Variants in CTNNA2 observed in about 807,000 individuals in gnomAD.
CTNNA2 encodes the protein catenin alpha 2, also known as catenin alpha-2.
Under a neutral mutation model 101.0 loss-of-function variants are expected in CTNNA2, and 42 were observed. That is an observed-to-expected ratio of 0.42 (90% CI 0.32 to 0.54). CTNNA2 has a LOEUF of 0.54. CTNNA2 is among the 20% of genes least tolerant of loss of function. The pLI, the probability that CTNNA2 is intolerant of heterozygous loss-of-function variation, is 0.14. For synonymous variants in CTNNA2, 450 were observed against 456.4 expected (o/e 0.99, Z 0.18); for missense variants, 871 against 1,223.1 (o/e 0.71, Z 4.29).
chr2:79,445,625 G>C (rs1678824316), intron 4 of CTNNA2, among the ~76,000 whole-genome samples: 1 of 152,088 alleles, frequency 6.6e-6, no homozygotes, highest in African/African-American at 2.4e-5. Context: ...GTTGATTAGT[G>C]GTTCTAAGCT....
rs112449245 is a variant in CTNNA2, at chr2:79,323,609, T to A, written c.-318+10813T>A. Among the ~76,000 whole-genome samples, 5 of 152,220 alleles carry A rather than the reference T, an allele frequency of 3.3e-5. No homozygotes were observed. The South Asian group carries it at 6.2e-4, about 19-fold the overall frequency. Reference sequence around the variant, plus strand: ...TTTTTCTGGCATGTTACCTTCTTCATGTTGCCACAAGTTTCAAGGGAGACT... The same window carrying A: ...TTTTTCTGGCATGTTACCTTCTTCAAGTTGCCACAAGTTTCAAGGGAGACT... On this transcript the variant is annotated intron_variant, in intron 3 of 21. Coordinates refer to the CTNNA2 transcript ENST00000466387.
At chr2:79,385,806 A>G (rs1404100677) in intron 4 of CTNNA2, among the ~76,000 whole-genome samples, 1 of 151,982 alleles carries the variant, frequency 6.6e-6, no homozygotes, top group Non-Finnish European at 1.5e-5. Flanking sequence ...TGCCTGTGTT[A>G]GTTTGCTGAG....
At chr2:80,257,078 T>G (rs757157795) in intron 7 of CTNNA2, among the ~76,000 whole-genome samples, 2 of 152,138 alleles carry the variant, frequency 1.3e-5, no homozygotes, top group Non-Finnish European at 2.9e-5. Context: ...GTCTTTTCAC[T>G]CTGGAAAGTT....
Position 79,544,092 on chromosome 2 carries a change from C to T in CTNNA2, c.-6+30885C>T, listed in dbSNP as rs116406390. ...AGCTGAGACTACAGGCGTGCGCCAC[C>T]ACACTGGGCTAATTTTTGTATTTTT... On this transcript the variant is annotated intron_variant, in intron 1 of 18. Transcript: ENST00000402739. Among the ~76,000 whole-genome samples the T allele has an allele frequency of 8.0e-3, 1,222 of 152,260 alleles. 5 individuals are homozygous for T. The highest frequency in any genetic ancestry group is 0.028 in the African/African-American group (1,155 of 41,558).
intron 1 of CTNNA2, among the ~76,000 whole-genome samples, chr2:79,196,849 T>A (rs546480297): frequency 6.6e-6 from 1 of 152,334 alleles, no homozygotes; most frequent in African/African-American, 2.4e-5. Flanking sequence ...ATCAGCTGTT[T>A]TGTTTTGCAG....
At chr2:80,564,131 G>T (rs749810066) in intron 12 of CTNNA2, among the ~76,000 whole-genome samples, 2 of 152,088 alleles carry the variant, frequency 1.3e-5, no homozygotes, top group Non-Finnish European at 2.9e-5. Context: ...TAATGATCAA[G>T]ATAAGAATCT....
intron 6 of CTNNA2, among the ~76,000 whole-genome samples, chr2:79,879,546 C>G (rs916225809): frequency 1.3e-5 from 2 of 151,922 alleles, no homozygotes; most frequent in Non-Finnish European, 2.9e-5. Flanking sequence ...TCCTTGTTAG[C>G]TGTATTCCTA....
intron 3 of CTNNA2, among the ~76,000 whole-genome samples, chr2:79,821,990 A>G (rs541725932): frequency 9.2e-5 from 14 of 152,276 alleles, no homozygotes; most frequent in Non-Finnish European, 1.5e-4. Context: ...TTTTTTCACT[A>G]ATCATTTCAG....
intron 7 of CTNNA2, among the ~76,000 whole-genome samples, chr2:80,079,828 TAAATAAAATAAAATA>T (rs61063068): frequency 0.015 from 1,783 of 120,086 alleles, 37 homozygotes; most frequent in Admixed American, 0.056. Flanking sequence ...TAAAATAAAA[TAAATAAAATAAAATA>T]AAATAAAATA....
intron 9 of CTNNA2, among the ~76,000 whole-genome samples, chr2:80,487,205 C>G (rs943844707): frequency 8.0e-5 from 12 of 150,418 alleles, no homozygotes; most frequent in Non-Finnish European, 1.5e-4. Flanking sequence ...CGCTTGAACC[C>G]AGGAGGCAGA....
intron 7 of CTNNA2, among the ~76,000 whole-genome samples, chr2:80,069,233 G>A (rs1282220490): frequency 6.6e-6 from 1 of 152,086 alleles, no homozygotes; most frequent in Non-Finnish European, 1.5e-5. Context: ...CCTAATGCTT[G>A]TGCACACTGG....
intron 3 of CTNNA2, among the ~76,000 whole-genome samples, chr2:79,797,396 C>G (rs148758152): frequency 6.6e-6 from 1 of 152,136 alleles, no homozygotes; most frequent in East Asian, 1.9e-4. Flanking sequence ...TGTGATGGCT[C>G]ACAACTATAA....
At chr2:79,989,509 C>T (rs1692019517) in intron 7 of CTNNA2, among the ~76,000 whole-genome samples, 1 of 152,076 alleles carries the variant, frequency 6.6e-6, no homozygotes, top group Non-Finnish European at 1.5e-5. Context: ...ATGGCATGCA[C>T]CTGTGTAGTC....
intron 4 of CTNNA2, among the ~76,000 whole-genome samples, chr2:79,444,318 AAG>A (rs1270812276): frequency 6.6e-6 from 1 of 152,150 alleles, no homozygotes; most frequent in Admixed American, 6.6e-5. Flanking sequence ...AAGGAGGAAA[AAG>A]AATACAAATA....
intron 4 of CTNNA2, among the ~76,000 whole-genome samples, chr2:79,441,958 C>T (rs542748856): frequency 6.6e-6 from 1 of 152,264 alleles, no homozygotes; most frequent in South Asian, 2.1e-4. Flanking sequence ...TTTCACATGA[C>T]TTTTCTTTCC....
chr2:80,219,483 G>A (rs542135661), intron 7 of CTNNA2, among the ~76,000 whole-genome samples: 2 of 152,064 alleles, frequency 1.3e-5, no homozygotes, highest in South Asian at 4.2e-4. Flanking sequence ...ATCTAGGTGA[G>A]GATCAAAGTT....
At chr2:79,899,862 T>C (rs905287119) in intron 6 of CTNNA2, among the ~76,000 whole-genome samples, 6 of 152,228 alleles carry the variant, frequency 3.9e-5, no homozygotes, top group Non-Finnish European at 8.8e-5. Context: ...GTATCTTTCA[T>C]TCCTAGTGCT....
intron 2 of CTNNA2, among the ~76,000 whole-genome samples, chr2:79,306,853 A>G (rs1676259910): frequency 6.6e-6 from 1 of 152,198 alleles, no homozygotes; most frequent in South Asian, 2.1e-4. Flanking sequence ...TTTGAATTGC[A>G]GGTTTTTGAT....
At chr2:79,892,818 A>G (rs1684405325) in intron 6 of CTNNA2, among the ~76,000 whole-genome samples, 1 of 152,244 alleles carries the variant, frequency 6.6e-6, no homozygotes, top group East Asian at 1.9e-4. Context: ...TGCAACATCC[A>G]TAACATCTGG....
Sources: allele counts gnomAD v4.1 joint callset (sites outside exome capture counted in the v4.1 genomes callset), GRCh38; gene constraint gnomAD v4.1.1; transcripts MANE v1.5; gene names NCBI Gene and HGNC (gene_info 2026-07-23, HGNC 2026-07-21).